TOP6BL: variants seen among roughly 807,000 people sequenced by gnomAD.
The protein encoded by TOP6BL is TOP6B like initiator of meiotic double strand breaks, also known as type 2 DNA topoisomerase 6 subunit B-like.
the TOP6BL span, among the ~76,000 whole-genome samples, chr11:66,745,773 C>A: frequency 6.6e-6 from 1 of 152,022 alleles, no homozygotes; most frequent in East Asian, 1.9e-4. Flanking sequence ...GCTGTCATAC[C>A]GACATGAGAA....
At chr11:66,783,327 C>A in the TOP6BL span, among the ~76,000 whole-genome samples, 1 of 152,130 alleles carries the variant, frequency 6.6e-6, no homozygotes. Context: ...CACCCCACTG[C>A]ACATAGCCTG....
chr11:66,752,460 T>A, the TOP6BL span, among the ~76,000 whole-genome samples: 1 of 152,140 alleles, frequency 6.6e-6, no homozygotes, highest in Admixed American at 6.5e-5. Flanking sequence ...GCTTTCATTT[T>A]TATTTTTTTG....
At chr11:66,751,495 C>T in the TOP6BL span, among the ~76,000 whole-genome samples, 1 of 147,374 alleles carries the variant, frequency 6.8e-6, no homozygotes, top group African/African-American at 2.5e-5. Context: ...GCCTGGCTGA[C>T]TAATTTTTTT....
chr11:66,762,824 G>A, the TOP6BL span, among the ~76,000 whole-genome samples: 1 of 152,226 alleles, frequency 6.6e-6, no homozygotes, highest in East Asian at 1.9e-4. Flanking sequence ...TTACAACTCA[G>A]TTACAAGATG....
At chr11:66,791,531 A>T in the TOP6BL span, among the ~76,000 whole-genome samples, 2 of 152,136 alleles carry the variant, frequency 1.3e-5, no homozygotes, top group South Asian at 4.1e-4. Flanking sequence ...AGAGAGACAG[A>T]CTTTCTTCTA....
At chr11:66,770,037 G>A in the TOP6BL span, among the ~76,000 whole-genome samples, 5 of 151,974 alleles carry the variant, frequency 3.3e-5, no homozygotes, top group Admixed American at 1.3e-4. Flanking sequence ...GAGCCACCAC[G>A]GCTGGCCTGA....
At chr11:66,750,082 C>T in the TOP6BL span, among the ~76,000 whole-genome samples, 2 of 152,134 alleles carry the variant, frequency 1.3e-5, no homozygotes, top group Admixed American at 6.6e-5. Flanking sequence ...TCTATGCCTA[C>T]GTTCTTAGTT....
chr11:66,759,738 C>T, the TOP6BL span, among the ~76,000 whole-genome samples: 1 of 152,134 alleles, frequency 6.6e-6, no homozygotes, highest in Admixed American at 6.5e-5. Flanking sequence ...TGCATGCTGC[C>T]ACACCCAGCT....
At chr11:66,798,202 G>A in the TOP6BL span, among the ~76,000 whole-genome samples, 1 of 151,996 alleles carries the variant, frequency 6.6e-6, no homozygotes, top group African/African-American at 2.4e-5. Context: ...CACTGGAGAG[G>A]ATATAAAAGT....
the TOP6BL span, among the ~76,000 whole-genome samples, chr11:66,836,218 C>CTGT: frequency 7.2e-5 from 11 of 151,870 alleles, no homozygotes; most frequent in East Asian, 1.9e-4. Context: ...TGCCCATTTG[C>CTGT]TGTTGTTGTT....
chr11:66,825,378 C>T, the TOP6BL span, among the ~76,000 whole-genome samples: 1 of 150,880 alleles, frequency 6.6e-6, no homozygotes, highest in African/African-American at 2.4e-5. Flanking sequence ...GTAATCCCAG[C>T]TACTTGAGAG....
the TOP6BL span, among the ~76,000 whole-genome samples, chr11:66,779,940 CAT>C: frequency 6.9e-6 from 1 of 144,538 alleles, no homozygotes; most frequent in African/African-American, 2.6e-5. Flanking sequence ...TGTTCTCACT[CAT>C]AGGTGGGAAT....
At chr11:66,813,816 A>T in the TOP6BL span, 1 of 1,537,092 alleles carries the variant, frequency 6.5e-7, no homozygotes, top group Non-Finnish European at 9.0e-7. Flanking sequence ...ACAAGTGAAT[A>T]CATAGTCATA....
At chr11:66,759,137 C>T in the TOP6BL span, 26 of 1,271,954 alleles carry the variant, frequency 2.0e-5, no homozygotes, top group South Asian at 1.4e-4. Context: ...AATATCTTCC[C>T]GACAATTAAT....
At chr11:66,767,198 A>G in the TOP6BL span, among the ~76,000 whole-genome samples, 2 of 152,202 alleles carry the variant, frequency 1.3e-5, no homozygotes, top group Admixed American at 1.3e-4. Context: ...ATAAGTTCTT[A>G]TGTGTTTAAA....
At chr11:66,795,447 G>T in the TOP6BL span, among the ~76,000 whole-genome samples, 2 of 151,696 alleles carry the variant, frequency 1.3e-5, no homozygotes, top group Non-Finnish European at 2.9e-5. Flanking sequence ...GATTGCAGGC[G>T]CATGCCACCA....
the TOP6BL span, among the ~76,000 whole-genome samples, chr11:66,793,639 T>C: frequency 1.3e-5 from 2 of 151,480 alleles, no homozygotes; most frequent in Admixed American, 1.3e-4. Flanking sequence ...GAGACGGGGT[T>C]TCATCATCTT....
At chr11:66,816,257 A>T in the TOP6BL span, 2 of 1,530,692 alleles carry the variant, frequency 1.3e-6, no homozygotes, top group Non-Finnish European at 8.9e-7. Context: ...AGAGAGAGGG[A>T]AACTTTGTGT....
the TOP6BL span, among the ~76,000 whole-genome samples, chr11:66,762,683 C>G: frequency 6.6e-6 from 1 of 152,134 alleles, no homozygotes; most frequent in Admixed American, 6.5e-5. Flanking sequence ...GTTGGTCAGG[C>G]TGGCCTCGAA....
Sources: allele counts gnomAD v4.1 joint callset (sites outside exome capture counted in the v4.1 genomes callset), GRCh38; gene constraint gnomAD v4.1.1; transcripts MANE v1.5; gene names NCBI Gene and HGNC (gene_info 2026-07-23, HGNC 2026-07-21).